NDUFA12: variants seen among roughly 807,000 people sequenced by gnomAD.
The protein encoded by NDUFA12 is NADH:ubiquinone oxidoreductase subunit A12.
In NDUFA12, 17 loss-of-function variants were observed where a neutral mutation model predicts 20.3. The ratio of observed to expected loss-of-function variants is 0.84; its 90% CI spans 0.57 to 1.26. The LOEUF (loss-of-function observed/expected upper bound fraction) is 1.26, where lower values mean the gene tolerates loss of function less well. Among genes scored for constraint, NDUFA12 ranks in the 50% most tolerant of loss-of-function variants. The pLI is 0.00. For missense variants in NDUFA12, 191 were observed against 183.7 expected, an observed-to-expected ratio of 1.04 and a Z score of -0.23; for synonymous variants, 72 against 63.6, an observed-to-expected ratio of 1.13 and a Z score of -0.63.
chr12:95,001,737 G>C (rs182141582), intron 2 of NDUFA12, among the ~76,000 whole-genome samples: 1 of 152,074 alleles, frequency 6.6e-6, no homozygotes, highest in African/African-American at 2.4e-5. Context: ...TAAGAGTCTC[G>C]CTCTGTTGCC....
intron 3 of NDUFA12, among the ~76,000 whole-genome samples, chr12:94,975,552 A>G (rs1739544078): frequency 6.6e-6 from 1 of 152,222 alleles, no homozygotes; most frequent in Non-Finnish European, 1.5e-5. Context: ...AGCAGGTATC[A>G]AAAACTTATA....
At chr12:94,986,483 T>C in intron 3 of NDUFA12, among the ~76,000 whole-genome samples, 1 of 152,208 alleles carries the variant, frequency 6.6e-6, no homozygotes, top group East Asian at 1.9e-4. Flanking sequence ...GTATGTGAGG[T>C]AATTGATTTA....
intron 3 of NDUFA12, among the ~76,000 whole-genome samples, chr12:94,989,655 T>C (rs1291319682): frequency 6.6e-6 from 1 of 152,234 alleles, no homozygotes; most frequent in East Asian, 1.9e-4. Flanking sequence ...AAATGCAGCT[T>C]TGAATCCTCA....
intron 2 of NDUFA12, among the ~76,000 whole-genome samples, chr12:94,999,620 C>T (rs4923663): frequency 0.48 from 72,598 of 151,984 alleles, 18,067 homozygotes; most frequent in African/African-American, 0.6. Context: ...GGAACTCACA[C>T]AAATCAGTAA....
At chr12:94,991,802 C>A (rs954003575) in intron 3 of NDUFA12, among the ~76,000 whole-genome samples, 1 of 151,862 alleles carries the variant, frequency 6.6e-6, no homozygotes, top group African/African-American at 2.4e-5. Flanking sequence ...AAAAATCATC[C>A]AGAAACCCTT....
In NDUFA12 at chr12:94,989,921, G is replaced by A. The variant is rs1227713957; in HGVS notation, c.257+4249C>T. On this transcript the variant is annotated intron_variant, in intron 3 of 3. Coordinates refer to ENST00000327772, the MANE Select transcript of NDUFA12 (RefSeq NM_018838.5). ...AGCAGGTAGATGTCAATCTGAATAA[G>A]ACAGCTCACATGCCTTCTATAGCCT... 4.6e-5 allele frequency among the ~76,000 whole-genome samples: 7 copies of A among 152,190 alleles called. No homozygotes were observed. In the East Asian group the frequency reaches 1.3e-3, roughly 29 times the overall value.
At chr12:94,983,297 G>T (rs1874303226) in intron 3 of NDUFA12, among the ~76,000 whole-genome samples, 1 of 152,156 alleles carries the variant, frequency 6.6e-6, no homozygotes, top group South Asian at 2.1e-4. Context: ...CTCATTTTAA[G>T]TGTGGCTGGA....
chr12:94,994,457 G>A (rs890923579), intron 2 of NDUFA12, 200 bp from the exon 3 acceptor site: 1 of 543,522 alleles, frequency 1.8e-6, no homozygotes, highest in Non-Finnish European at 3.3e-6. Flanking sequence ...GCAGCAACCC[G>A]CAGCAAGGAC....
At chr12:94,993,499 C>G (rs1356193243) in intron 3 of NDUFA12, among the ~76,000 whole-genome samples, 2 of 150,666 alleles carry the variant, frequency 1.3e-5, no homozygotes, top group Non-Finnish European at 3.0e-5. Flanking sequence ...GTAGCATGAG[C>G]CTGTAGTCCC....
intron 3 of NDUFA12, among the ~76,000 whole-genome samples, chr12:94,983,329 A>C (rs1165260558): frequency 6.6e-6 from 1 of 152,178 alleles, no homozygotes; most frequent in Non-Finnish European, 1.5e-5. Flanking sequence ...GCTTCTAATA[A>C]ATAGACAACT....
chr12:94,990,157 G>C (rs1401553803), intron 3 of NDUFA12, among the ~76,000 whole-genome samples: 1 of 151,962 alleles, frequency 6.6e-6, no homozygotes, highest in Admixed American at 6.6e-5. Flanking sequence ...AGGATGATCT[G>C]TGCAGCAAAC....
intron 2 of NDUFA12, among the ~76,000 whole-genome samples, chr12:95,001,451 CT>C (rs1812973255): frequency 6.6e-6 from 1 of 151,984 alleles, no homozygotes; most frequent in Non-Finnish European, 1.5e-5. Flanking sequence ...AAGACCTCGT[CT>C]CTCCAAAAAA....
At chr12:94,989,310 C>T (rs760447270) in intron 3 of NDUFA12, among the ~76,000 whole-genome samples, 1 of 152,076 alleles carries the variant, frequency 6.6e-6, no homozygotes, top group African/African-American at 2.4e-5. Context: ...CTGCTTTACC[C>T]CAGGTTCTTG....
intron 3 of NDUFA12, among the ~76,000 whole-genome samples, chr12:94,979,136 G>C (rs1322615332): frequency 1.3e-5 from 2 of 152,170 alleles, no homozygotes; most frequent in South Asian, 2.1e-4. Flanking sequence ...GCTGAGGCAG[G>C]GGGGATGCTT....
chr12:94,986,186 G>A (rs934144085), intron 3 of NDUFA12, among the ~76,000 whole-genome samples: 1 of 151,820 alleles, frequency 6.6e-6, no homozygotes, highest in Non-Finnish European at 1.5e-5. Flanking sequence ...AGCTGTAGTG[G>A]GCTATTAATG....
chr12:94,991,561 T>C (rs1431724961), intron 3 of NDUFA12, among the ~76,000 whole-genome samples: 3 of 151,630 alleles, frequency 2.0e-5, no homozygotes, highest in African/African-American at 7.3e-5. Context: ...AACCTGTCTG[T>C]AGTAAAAGTA....
intron 1 of NDUFA12, 85 bp from the exon 2 acceptor site, chr12:95,002,906 T>C: frequency 8.5e-7 from 1 of 1,172,506 alleles, no homozygotes; most frequent in Non-Finnish European, 1.3e-6. Flanking sequence ...GTAACAACTT[T>C]CAGACACAAG....
intron 2 of NDUFA12, among the ~76,000 whole-genome samples, chr12:94,994,513 G>A (rs891758829): frequency 1.3e-5 from 2 of 152,172 alleles, no homozygotes; most frequent in Non-Finnish European, 2.9e-5. Context: ...TTTCCCACAG[G>A]GGAGAATCCT....
At position 95,001,582 on chromosome 12, in the gene NDUFA12, C is replaced by T. The variant is rs190669450; in HGVS notation, c.169+1157G>A. Among the ~76,000 whole-genome samples, 3 of 151,966 alleles carry T rather than the reference C, an allele frequency of 2.0e-5. No individual in the cohort carries two copies. The East Asian group carries it at 5.8e-4, about 29-fold the overall frequency. ...AGTTGAGGCTGTAGTGAGCCATGAT[C>T]GAGTCACTGCACTCTAGACTGGGTG... On this transcript the variant is annotated intron_variant, in intron 2 of 3. Coordinates refer to ENST00000327772, the MANE Select transcript of NDUFA12 (RefSeq NM_018838.5).
Sources: allele counts gnomAD v4.1 joint callset (sites outside exome capture counted in the v4.1 genomes callset), GRCh38; gene constraint gnomAD v4.1.1; transcripts MANE v1.5; gene names NCBI Gene and HGNC (gene_info 2026-07-23, HGNC 2026-07-21).